The following FNDC3B variants were observed in gnomAD, a reference collection of about 807,000 sequenced individuals.
FNDC3B encodes the protein fibronectin type III domain containing 3B.
FNDC3B carries 12 observed loss-of-function variants against 151.5 expected under a neutral mutation model. The observed-to-expected ratio is 0.08, with a 90% CI of 0.05 to 0.13. The LOEUF (loss-of-function observed/expected upper bound fraction) is 0.13, where lower values mean the gene tolerates loss of function less well. Among genes scored for constraint, FNDC3B ranks in the 10% least tolerant of loss-of-function variants. The pLI, the probability that FNDC3B is intolerant of heterozygous loss-of-function variation, is 1.00. For synonymous variants in FNDC3B, 528 were observed against 549.0 expected (o/e 0.96, Z 0.54); for missense variants, 1,214 against 1,505.3 (o/e 0.81, Z 3.20).
chr3:172,254,938 A>G (rs1463696073), intron 6 of FNDC3B, among the ~76,000 whole-genome samples: 3 of 152,202 alleles, frequency 2.0e-5, no homozygotes, highest in East Asian at 1.9e-4. Context: ...TTTAATTTCC[A>G]TTATTAAATA....
At chr3:172,089,229 T>C (rs2108508242) in intron 1 of FNDC3B, among the ~76,000 whole-genome samples, 1 of 152,352 alleles carries the variant, frequency 6.6e-6, no homozygotes, top group East Asian at 1.9e-4. Flanking sequence ...ACTTTACTAA[T>C]TCTTGTTTCC....
At chr3:172,102,036 T>C (rs956394997) in intron 1 of FNDC3B, among the ~76,000 whole-genome samples, 1 of 152,204 alleles carries the variant, frequency 6.6e-6, no homozygotes, top group African/African-American at 2.4e-5. Flanking sequence ...TTTTCTGTTT[T>C]GTACCATGTG....
intron 23 of FNDC3B, among the ~76,000 whole-genome samples, chr3:172,368,224 C>T (rs368973753): frequency 6.8e-6 from 1 of 147,808 alleles, no homozygotes; most frequent in Non-Finnish European, 1.5e-5. Flanking sequence ...GAGCTGTGAT[C>T]GCACCACTAC....
At chr3:172,174,207 A>G (rs567052285) in intron 3 of FNDC3B, among the ~76,000 whole-genome samples, 2 of 152,338 alleles carry the variant, frequency 1.3e-5, no homozygotes, top group African/African-American at 4.8e-5. Flanking sequence ...ATTCAAGCAT[A>G]TTTGGGGAAG....
chr3:172,171,980 G>A (rs546310132), intron 3 of FNDC3B, among the ~76,000 whole-genome samples: 4 of 152,134 alleles, frequency 2.6e-5, no homozygotes, highest in Non-Finnish European at 5.9e-5. Flanking sequence ...GTTGACTAGA[G>A]ACATTTTAAG....
In FNDC3B at chr3:172,399,747, G is replaced by A. The variant is rs1736478684; in HGVS notation, c.*2272G>A. On this transcript the variant is annotated 3_prime_UTR_variant, in exon 26 of 26. Coordinates refer to ENST00000415807, the MANE Select transcript of FNDC3B (RefSeq NM_022763.4). ...TTTTAAGCAATGAAAATTCAACTGAGTACAAAGCCCCCTCTTGGGGGGTTG... is the reference window on the plus strand; with the variant it reads ...TTTTAAGCAATGAAAATTCAACTGAATACAAAGCCCCCTCTTGGGGGGTTG... 6.6e-6 allele frequency: 1 copy of A among 152,602 alleles called. No homozygotes were observed. Among genetic ancestry groups the A allele is most frequent in the Non-Finnish European group, 1.5e-5 (1 of 68,026 alleles). 9.5% of individuals were successfully genotyped at this position (152,602 alleles called of 1,614,324 possible). A position where few individuals can be genotyped will look rare whatever the true frequency, so the allele number is the denominator to read the frequency against.
At chr3:172,351,918 A>G (rs1346228160) in intron 21 of FNDC3B, among the ~76,000 whole-genome samples, 2 of 152,144 alleles carry the variant, frequency 1.3e-5, no homozygotes, top group Non-Finnish European at 2.9e-5. Context: ...GCAAGTGGAG[A>G]TACTCAGTGG....
chr3:172,140,996 A>C (rs1354441124), intron 3 of FNDC3B, among the ~76,000 whole-genome samples: 1 of 152,228 alleles, frequency 6.6e-6, no homozygotes, highest in Non-Finnish European at 1.5e-5. Context: ...GTCATTTCGT[A>C]GCTAATGCTT....
chr3:172,227,993 T>C (rs1449740605), intron 4 of FNDC3B, among the ~76,000 whole-genome samples: 2 of 152,240 alleles, frequency 1.3e-5, no homozygotes, highest in Non-Finnish European at 2.9e-5. Flanking sequence ...AACTTACCCA[T>C]TTTTTCAAGT....
Position 172,226,941 on chromosome 3 carries a change from C to T in FNDC3B, c.258C>T (p.Ile86=), listed in dbSNP as rs757893983. ...IPPIHVPPGY[I]SQVIEDSTGV... The stretch of plus-strand genomic sequence containing the variant: ...CCATTCATGTGCCTCCAGGTTATAT[C>T]TCACAGGTAATCCATTTGATGGACT... The change falls in exon 4 of 26, where the codon ATC becomes ATT. Residue 86 remains isoleucine, a synonymous_variant. Coordinates refer to ENST00000415807, the MANE Select transcript of FNDC3B (RefSeq NM_022763.4). 1 of 1,601,092 alleles carries T rather than the reference C, an allele frequency of 6.2e-7. No individual in the cohort carries two copies.
chr3:172,050,733 G>GTGTA (rs397991660), intron 1 of FNDC3B, among the ~76,000 whole-genome samples: 9 of 137,932 alleles, frequency 6.5e-5, no homozygotes, highest in South Asian at 2.3e-4. Context: ...GTGTGTGTGT[G>GTGTA]TATAGTGTGT....
chr3:172,045,647 T>C (rs1477957718), intron 1 of FNDC3B, among the ~76,000 whole-genome samples: 1 of 152,160 alleles, frequency 6.6e-6, no homozygotes, highest in African/African-American at 2.4e-5. Flanking sequence ...GGTTAATCCA[T>C]TAAGTGGGAT....
At chr3:172,101,352 C>T (rs920210824) in intron 1 of FNDC3B, among the ~76,000 whole-genome samples, 8 of 152,134 alleles carry the variant, frequency 5.3e-5, no homozygotes, top group Non-Finnish European at 8.8e-5. Flanking sequence ...AATGCAGATT[C>T]GTTTTTAGTT....
chr3:172,324,963 T>G (rs1411955324), intron 11 of FNDC3B, among the ~76,000 whole-genome samples: 1 of 152,220 alleles, frequency 6.6e-6, no homozygotes, highest in African/African-American at 2.4e-5. Context: ...TAGGAGTCTC[T>G]TCCCTCAGCC....
At chr3:172,359,123 A>C (rs1027365169) in intron 22 of FNDC3B, among the ~76,000 whole-genome samples, 64 of 152,138 alleles carry the variant, frequency 4.2e-4, no homozygotes, top group African/African-American at 1.5e-3. Context: ...CCTAGTACTT[A>C]CCAAAATACT....
chr3:172,240,535 C>G (rs1416031717), intron 4 of FNDC3B, among the ~76,000 whole-genome samples: 3 of 152,086 alleles, frequency 2.0e-5, no homozygotes, highest in Admixed American at 2.0e-4. Context: ...TGATTGTTTA[C>G]CTATTTACTT....
chr3:172,314,863 T>C (rs1731700964), intron 11 of FNDC3B, among the ~76,000 whole-genome samples: 1 of 152,150 alleles, frequency 6.6e-6, no homozygotes, highest in South Asian at 2.1e-4. Flanking sequence ...CGCATTACAG[T>C]ACAGGGGAAA....
intron 1 of FNDC3B, among the ~76,000 whole-genome samples, chr3:172,080,707 C>T (rs1718239812): frequency 6.6e-6 from 1 of 152,156 alleles, no homozygotes; most frequent in Non-Finnish European, 1.5e-5. Flanking sequence ...TGATGTGTGT[C>T]CATCATGGGT....
intron 1 of FNDC3B, among the ~76,000 whole-genome samples, chr3:172,060,704 A>G (rs915075051): frequency 2.6e-5 from 4 of 152,228 alleles, no homozygotes; most frequent in Non-Finnish European, 5.9e-5. Context: ...CTTCTCTTAT[A>G]TACAGAGACT....
Sources: allele counts gnomAD v4.1 joint callset (sites outside exome capture counted in the v4.1 genomes callset), GRCh38; gene constraint gnomAD v4.1.1; transcripts MANE v1.5; gene names NCBI Gene and HGNC (gene_info 2026-07-23, HGNC 2026-07-21).